The following COX17 variants were observed in gnomAD, a reference collection of about 807,000 sequenced individuals.
COX17 encodes the protein cytochrome c oxidase copper chaperone.
COX17 carries 1 observed loss-of-function variant against 6.3 expected under a neutral mutation model. The observed-to-expected ratio is 0.16, with a 90% confidence interval of 0.06 to 0.75. The LOEUF (loss-of-function observed/expected upper bound fraction) is 0.75, where lower values mean the gene tolerates loss of function less well. COX17 is among the 30% of genes least tolerant of loss of function. The pLI is 0.77. For synonymous variants in COX17, 26 were observed against 30.5 expected, an observed-to-expected ratio of 0.85 and a Z score of 0.49; for missense variants, 73 against 81.2, an observed-to-expected ratio of 0.90 and a Z score of 0.39.
At chr3:119,666,379 A>G (rs1373416476), downstream of COX17, among the ~76,000 whole-genome samples, 1 of 152,182 alleles carries the variant, frequency 6.6e-6, no homozygotes, top group East Asian at 1.9e-4. Flanking sequence ...TCTTGGATGA[A>G]ATCAGTGACC....
At chr3:119,667,350 G>A (rs2053001606), downstream of COX17, among the ~76,000 whole-genome samples, 1 of 152,040 alleles carries the variant, frequency 6.6e-6, no homozygotes, top group South Asian at 2.1e-4. Flanking sequence ...GTGGGCAGAG[G>A]GTCTTGTGAG....
At chr3:119,666,056 C>T (rs1448342943), downstream of COX17, among the ~76,000 whole-genome samples, 3 of 152,180 alleles carry the variant, frequency 2.0e-5, no homozygotes, top group Non-Finnish European at 4.4e-5. Context: ...TATTCAATAT[C>T]CATTTACCTC....
At chr3:119,670,020 GA>G (rs1182251928) in intron 2 of COX17, among the ~76,000 whole-genome samples, 2 of 152,016 alleles carry the variant, frequency 1.3e-5, no homozygotes, top group African/African-American at 4.8e-5. Context: ...AGATATTCAA[GA>G]AACAAGACCT....
rs528249091 is a variant in COX17 at position 119,677,377 on chromosome 3, T to C, written c.-67A>G. ...TATGCCAGCCTCGGCAAACGCCGAT[T>C]CGTCCGCAGTCACTTCCGGCAGTCG... On this transcript the variant is annotated 5_prime_UTR_variant, in exon 1 of 3. Transcript: ENST00000261070. 1.2e-5 allele frequency: 15 copies of C among 1,239,704 alleles called. No homozygotes were observed. In the Admixed American group the frequency reaches 2.8e-4, roughly 23 times the overall value. 76.8% of individuals were successfully genotyped at this position (1,239,704 alleles called of 1,614,324 possible). A position where few individuals can be genotyped will look rare whatever the true frequency, so the allele number is the denominator to read the frequency against.
intron 1 of COX17, among the ~76,000 whole-genome samples, chr3:119,675,920 G>C (rs749572266): frequency 3.3e-5 from 5 of 152,336 alleles, no homozygotes; most frequent in Non-Finnish European, 5.9e-5. Flanking sequence ...AAAGGGAATA[G>C]GTTCTCCTTC....
chr3:119,664,571 A>G (rs1018138569), downstream of COX17, among the ~76,000 whole-genome samples: 1 of 152,212 alleles, frequency 6.6e-6, no homozygotes, highest in Non-Finnish European at 1.5e-5. Flanking sequence ...AGCAGACAAG[A>G]GGCAGGCGAG....
At chr3:119,666,801 C>T (rs1577177693), downstream of COX17, 1 of 152,294 alleles carries the variant, frequency 6.6e-6, no homozygotes, top group South Asian at 2.1e-4. Flanking sequence ...AACACTAGGG[C>T]TGTTCCCTGC....
At chr3:119,675,740 C>G (rs958718556) in intron 1 of COX17, among the ~76,000 whole-genome samples, 3 of 152,118 alleles carry the variant, frequency 2.0e-5, no homozygotes, top group African/African-American at 7.2e-5. Flanking sequence ...TTGTAAAATT[C>G]ACAAAGTAAA....
At chr3:119,669,976 A>G (rs1380517581) in intron 2 of COX17, among the ~76,000 whole-genome samples, 1 of 152,190 alleles carries the variant, frequency 6.6e-6, no homozygotes, top group Non-Finnish European at 1.5e-5. Context: ...TCTCAAAAAT[A>G]TCCTCCAAAA....
At chr3:119,665,963 G>A (rs2052989028), downstream of COX17, among the ~76,000 whole-genome samples, 1 of 152,194 alleles carries the variant, frequency 6.6e-6, no homozygotes, top group Non-Finnish European at 1.5e-5. Flanking sequence ...CAAACTATGA[G>A]AGGAATTCCT....
At chr3:119,673,773 A>C (rs765563158) in intron 2 of COX17, among the ~76,000 whole-genome samples, 7 of 152,240 alleles carry the variant, frequency 4.6e-5, no homozygotes, top group Non-Finnish European at 8.8e-5. Context: ...TTGTTTGTGG[A>C]ATTGTTGGAC....
downstream of COX17, among the ~76,000 whole-genome samples, chr3:119,667,874 C>T (rs1415260005): frequency 2.0e-5 from 3 of 152,104 alleles, no homozygotes; most frequent in African/African-American, 7.2e-5. Context: ...GGTTATCTGA[C>T]ATATATCCTG....
chr3:119,666,006 T>C (rs1188170670), downstream of COX17, among the ~76,000 whole-genome samples: 4 of 152,252 alleles, frequency 2.6e-5, no homozygotes, highest in Non-Finnish European at 4.4e-5. Context: ...CAGGGTGACC[T>C]GTTAGGTGAA....
At chr3:119,669,232 T>G (rs2053019613), downstream of COX17, 1 of 142,672 alleles carries the variant, frequency 7.0e-6, no homozygotes, top group South Asian at 2.4e-4. Flanking sequence ...AAAGGCTTGT[T>G]CTTACCTTTA....
intron 1 of COX17, 145 bp from the exon 2 acceptor site, chr3:119,675,378 G>C: frequency 1.6e-6 from 1 of 609,456 alleles, no homozygotes; most frequent in Non-Finnish European, 2.9e-6. Context: ...AAACAGCTTT[G>C]TTTTTATTTG....
At chr3:119,676,372 G>T (rs1174824600) in intron 1 of COX17, among the ~76,000 whole-genome samples, 1 of 152,188 alleles carries the variant, frequency 6.6e-6, no homozygotes, top group African/African-American at 2.4e-5. Context: ...TACCACTAAT[G>T]ATTTCTTTCT....
chr3:119,677,332 T>A lies in COX17; in HGVS notation c.-22A>T, dbSNP rs1559736418. The A allele has an allele frequency of 6.3e-7, 1 of 1,599,400 alleles. No homozygotes were observed. The highest frequency in any genetic ancestry group is 1.7e-5 in the Admixed American group (1 of 59,352). ...GCATCTTTCGCGCCAAAAGCAGCTA[T>A]GAGCGGAGACAGCCAAATCTATGCC... is the stretch of plus-strand genomic sequence containing the variant. On this transcript the variant is annotated 5_prime_UTR_variant, in exon 1 of 3. Coordinates refer to ENST00000261070, the MANE Select transcript of COX17 (RefSeq NM_005694.2).
chr3:119,674,851 G>GA (rs2053083419), intron 2 of COX17: 1 of 242,740 alleles, frequency 4.1e-6, no homozygotes, highest in Non-Finnish European at 7.8e-6. Context: ...TTAGAAACAA[G>GA]AAAGAGAATA....
At chr3:119,664,653 CTGTT>C (rs1174478346), downstream of COX17, among the ~76,000 whole-genome samples, 1 of 152,200 alleles carries the variant, frequency 6.6e-6, no homozygotes, top group Non-Finnish European at 1.5e-5. Context: ...GGTCTTCAAA[CTGTT>C]TGTTACTTGT....
Sources: gnomAD v4.1 joint callset for allele counts (sites outside exome capture counted in the v4.1 genomes callset) on GRCh38, gnomAD v4.1.1 for gene constraint, MANE v1.5 for transcripts, NCBI Gene and HGNC (gene_info 2026-07-23, HGNC 2026-07-21) for gene names.